The following INCENP variants were observed in gnomAD, a reference collection of about 807,000 sequenced individuals.
INCENP encodes the protein inner centromere protein, also known as binds and activates aurora-B and -C in vivo and in vitro.
In INCENP, 43 loss-of-function variants were observed where a neutral mutation model predicts 107.3. The ratio of observed to expected loss-of-function variants is 0.40; its 90% CI spans 0.31 to 0.52. INCENP has a LOEUF of 0.52. Among genes scored for constraint, INCENP ranks in the 20% least tolerant of loss-of-function variants. The pLI is 0.53. For missense variants in INCENP, 1,089 were observed against 1,250.9 expected (o/e 0.87, Z 1.95); for synonymous variants, 488 against 494.4 (o/e 0.99, Z 0.17).
chr11:62,141,462 G>A (rs1054652505), intron 10 of INCENP, 38 bp from the exon 11 acceptor site: 3 of 1,613,896 alleles, frequency 1.9e-6, no homozygotes, highest in Non-Finnish European at 1.7e-6. Context: ...TCCCCGGCCT[G>A]GCATTAACTC....
At chr11:62,126,202 T>TTTTTTG (rs376243630) in intron 1 of INCENP, among the ~76,000 whole-genome samples, 69,168 of 117,646 alleles carry the variant, frequency 0.59, 18,132 homozygotes, top group Middle Eastern at 0.72. Flanking sequence ...TGTGCATGGT[T>TTTTTTG]TTTTTTTTTT....
intron 18 of INCENP, among the ~76,000 whole-genome samples, chr11:62,150,421 T>G (rs1590631678): frequency 6.6e-6 from 1 of 152,068 alleles, no homozygotes; most frequent in Non-Finnish European, 1.5e-5. Context: ...ACCTATGAGG[T>G]TGGGTTCCTT....
At chr11:62,137,755 C>A in intron 4 of INCENP, 77 bp from the exon 5 acceptor site, 1 of 1,368,842 alleles carries the variant, frequency 7.3e-7, no homozygotes, top group Non-Finnish European at 1.0e-6. Context: ...TTGCTGGAAC[C>A]CGGTCCCCTG....
chr11:62,146,664 G>A lies in INCENP; in HGVS notation c.1966G>A (p.Glu656Lys), dbSNP rs1397949909. Residue 656 changes from glutamate (E) to lysine (K), a missense_variant, in exon 15 of 19, where the codon GAA becomes AAA. Physicochemically the swap from Glu to Lys is moderately conservative, Grantham distance 56. Coordinates refer to ENST00000394818, the MANE Select transcript of INCENP (RefSeq NM_001040694.2). ...ACCTTGCTCTCTGTTTCAGGAGGAGGAAGAGCGGCGGCACCAAGAGCTGCT... is the reference window on the plus strand; with the variant it reads ...ACCTTGCTCTCTGTTTCAGGAGGAGAAAGAGCGGCGGCACCAAGAGCTGCT... Reference protein sequence around the residue: ...RRLRWLQQEEEERRHQELLQK... With the variant: ...RRLRWLQQEEKERRHQELLQK... 1 of 1,550,904 alleles carries A rather than the reference G, an allele frequency of 6.4e-7. No individual in the cohort carries two copies. The highest frequency in any genetic ancestry group is 8.7e-7 in the Non-Finnish European group (1 of 1,146,896).
chr11:62,152,604 G>T lies in INCENP; in HGVS notation c.*628G>T, dbSNP rs968241650. On this transcript the variant is annotated 3_prime_UTR_variant, in exon 19 of 19. Transcript: ENST00000394818. ...GCTCCCTGTTTGTAAAGGGGAGTTT[G>T]TTCATTGGGAAAGACCTGGGTCTTG... 1 of 152,956 alleles carries T rather than the reference G, an allele frequency of 6.5e-6. No homozygotes were observed. Among genetic ancestry groups the T allele is most frequent in the African/African-American group, 2.4e-5 (1 of 41,450 alleles). The allele number at this position is 152,956 out of a possible 1,614,324, so 9.5% of individuals were successfully genotyped here.
intron 11 of INCENP, among the ~76,000 whole-genome samples, chr11:62,143,326 A>G (rs1944166120): frequency 6.6e-6 from 1 of 152,028 alleles, no homozygotes; most frequent in South Asian, 2.1e-4. Flanking sequence ...TGAGCATTAG[A>G]TACTCCCTTT....
intron 4 of INCENP, among the ~76,000 whole-genome samples, chr11:62,134,863 A>T (rs886205239): frequency 3.3e-5 from 5 of 152,210 alleles, no homozygotes; most frequent in African/African-American, 1.2e-4. Flanking sequence ...TGTCTTGGCC[A>T]ACATGGTGAA....
chr11:62,130,769 C>T (rs1268168664), intron 4 of INCENP, among the ~76,000 whole-genome samples, 179 bp downstream of exon 4: 1 of 152,212 alleles, frequency 6.6e-6, no homozygotes, highest in African/African-American at 2.4e-5. Context: ...CGATTGTGTC[C>T]TCAAAATGTG....
Position 62,151,836 on chromosome 11 carries a change from C to T in INCENP, c.2617C>T (p.Leu873Phe), listed in dbSNP as rs1944380507. The change falls in exon 19 of 19, where the codon CTC becomes TTC. Residue 873 changes from leucine (L) to phenylalanine (F), a missense_variant. By Grantham distance (22) the Leu-to-Phe change is conservative. Coordinates refer to ENST00000394818, the MANE Select transcript of INCENP (RefSeq NM_001040694.2). Reference protein sequence around the residue: ...PNLLELFGTILPLDLEDIFKK... With the variant: ...PNLLELFGTIFPLDLEDIFKK... Reference sequence around the variant, plus strand: ...CCTTCTGGAGCTCTTTGGAACCATTCTCCCACTGGACTTGGAGGATATCTT... The same window carrying T: ...CCTTCTGGAGCTCTTTGGAACCATTTTCCCACTGGACTTGGAGGATATCTT... 8 of 1,614,074 alleles carry T rather than the reference C, an allele frequency of 5.0e-6. No individual in the cohort carries two copies. The Admixed American group carries it at 1.0e-4, about 20-fold the overall frequency.
intron 7 of INCENP, 138 bp from the exon 8 acceptor site, chr11:62,140,096 G>A: frequency 1.4e-6 from 1 of 712,236 alleles, no homozygotes. Context: ...TCTGCGTTTG[G>A]CCACCCCGGA....
chr11:62,133,520 G>A (rs976389548), intron 4 of INCENP, among the ~76,000 whole-genome samples: 34 of 152,168 alleles, frequency 2.2e-4, no homozygotes, highest in Admixed American at 2.2e-3. Context: ...TGGGGCGTTC[G>A]AGCCACCTCT....
At chr11:62,146,971 T>C in intron 15 of INCENP, 69 bp downstream of exon 15, 1 of 1,575,028 alleles carries the variant, frequency 6.3e-7, no homozygotes, top group South Asian at 1.1e-5. Flanking sequence ...GAACCTTGCC[T>C]GGACACAGCC....
At chr11:62,138,004 A>C in intron 5 of INCENP, 121 bp downstream of exon 5, 1 of 882,272 alleles carries the variant, frequency 1.1e-6, no homozygotes, top group Admixed American at 1.8e-5. Flanking sequence ...TTGACCGCCC[A>C]GGAGCTGCCC....
Position 62,150,095 on chromosome 11 carries a change from G to A in INCENP, c.2430G>A (p.Gly810=), listed in dbSNP as rs200670609. ...CCTCATATCAGATGACTCCGCAAGGGCACAGGGCCCCTCCCAAGATCAACC... is the reference window on the plus strand; with the variant it reads ...CCTCATATCAGATGACTCCGCAAGGACACAGGGCCCCTCCCAAGATCAACC... ...ACTSYQMTPQ[G]HRAPPKINPD... is the part of the protein sequence containing the mutation. Residue 810 remains glycine, a synonymous_variant, in exon 18 of 19, where the codon GGG becomes GGA. Transcript: ENST00000394818. 2 of 1,613,902 alleles carry A rather than the reference G, an allele frequency of 1.2e-6. No individual in the cohort carries two copies. Among genetic ancestry groups the A allele is most frequent in the Non-Finnish European group, 1.7e-6 (2 of 1,180,006 alleles).
rs775902335 is a variant in INCENP at position 62,148,606 on chromosome 11, C to T, written c.2283+52C>T. 1.9e-5 allele frequency: 28 copies of T among 1,483,474 alleles called. No individual in the cohort carries two copies. In the Admixed American group the frequency reaches 2.2e-4, roughly 12 times the overall value. 91.9% of individuals were successfully genotyped at this position (1,483,474 alleles called of 1,614,324 possible). A position where few individuals can be genotyped will look rare whatever the true frequency, so the allele number is the denominator to read the frequency against. ...CCTGGGGTCTGCCCTGAGCTGTGGGCGGGTCTGGACTCCTGCAGCAGGGGC... is the reference window on the plus strand; with the variant it reads ...CCTGGGGTCTGCCCTGAGCTGTGGGTGGGTCTGGACTCCTGCAGCAGGGGC... On this transcript the variant is annotated intron_variant, in intron 16 of 18. Coordinates refer to ENST00000394818, the MANE Select transcript of INCENP (RefSeq NM_001040694.2).
rs746413273 is a variant in INCENP at position 62,140,224 on chromosome 11, G to A, written c.1292-10G>A. 2 of 1,613,258 alleles carry A rather than the reference G, an allele frequency of 1.2e-6. No individual in the cohort carries two copies. The highest frequency in any genetic ancestry group is 1.7e-6 in the Non-Finnish European group (2 of 1,179,620). On this transcript the variant is annotated splice_polypyrimidine_tract_variant and intron_variant, in intron 7 of 18. Coordinates refer to ENST00000394818, the MANE Select transcript of INCENP (RefSeq NM_001040694.2). ...TTTCTGCAGCCTTGCTGAAATTGCT[G>A]TCTTCACAGAGGCCAAGACGGACCA... is the stretch of plus-strand genomic sequence containing the variant.
chr11:62,151,444 A>G (rs1421987066), intron 18 of INCENP, among the ~76,000 whole-genome samples: 1 of 152,222 alleles, frequency 6.6e-6, no homozygotes, highest in African/African-American at 2.4e-5. Context: ...TATTAGCTGT[A>G]TGCCTTTGGG....
intron 9 of INCENP, 26 bp from the exon 10 acceptor site, chr11:62,140,887 C>T: frequency 1.2e-6 from 2 of 1,614,006 alleles, no homozygotes; most frequent in Non-Finnish European, 1.7e-6. Context: ...CGCCTGCCCA[C>T]TTCTGACCCT....
chr11:62,136,039 C>T (rs942696172), intron 4 of INCENP, among the ~76,000 whole-genome samples: 1 of 152,080 alleles, frequency 6.6e-6, no homozygotes, highest in Non-Finnish European at 1.5e-5. Flanking sequence ...CCTAGTGATC[C>T]GCCCGCCTCG....
Sources: allele counts gnomAD v4.1 joint callset (sites outside exome capture counted in the v4.1 genomes callset), GRCh38; gene constraint gnomAD v4.1.1; transcripts MANE v1.5; gene names NCBI Gene and HGNC (gene_info 2026-07-23, HGNC 2026-07-21).